KMT2C: variants seen among roughly 807,000 people sequenced by gnomAD.
The protein encoded by KMT2C is lysine methyltransferase 2C, also known as histone-lysine N-methyltransferase 2C.
In KMT2C, 88 loss-of-function variants were observed where a neutral mutation model predicts 507.9. The observed-to-expected ratio is 0.17, with a 90% confidence interval of 0.15 to 0.21. KMT2C has a LOEUF of 0.21. Ranked by LOEUF, KMT2C falls within the 10% of genes least tolerant of loss-of-function variation. The pLI is 1.00. For synonymous variants in KMT2C, 2,049 were observed against 2,080.8 expected (o/e 0.98, Z 0.42); for missense variants, 4,954 against 5,957.8 (o/e 0.83, Z 5.55).
rs79259576 is a variant in KMT2C, at chr7:152,179,672, G to C, written c.7442+162C>G. Among the ~76,000 whole-genome samples the C allele has an allele frequency of 9.5e-4, 119 of 125,890 alleles. 4 individuals are homozygous for C. The highest frequency in any genetic ancestry group is 3.9e-3 in the East Asian group (15 of 3,886). 82.6% of individuals were successfully genotyped at this position (125,890 alleles called of 152,430 possible). Reference sequence around the variant, plus strand: ...TGTTGAAGAGGTTGGGGGGGGGGGGGGGTGGTCTCACTATATTGCCCAGGC... The same window carrying C: ...TGTTGAAGAGGTTGGGGGGGGGGGGCGGTGGTCTCACTATATTGCCCAGGC... On this transcript the variant is annotated intron_variant, in intron 37 of 58. Transcript: ENST00000262189.
chr7:152,358,541 T>C (rs751777482), intron 2 of KMT2C, 46 bp downstream of exon 2: 2 of 1,195,164 alleles, frequency 1.7e-6, no homozygotes, highest in South Asian at 1.3e-5. Context: ...TACAAACATA[T>C]GCAAAGCATC....
intron 9 of KMT2C, among the ~76,000 whole-genome samples, 198 bp from the exon 10 acceptor site, chr7:152,252,913 C>T (rs1414890952): frequency 2.0e-5 from 3 of 151,454 alleles, no homozygotes; most frequent in Non-Finnish European, 2.9e-5. Flanking sequence ...AGTGCAGTGG[C>T]GCAATCTTGG....
chr7:152,271,694 A>AT (rs2095976349), intron 7 of KMT2C, among the ~76,000 whole-genome samples: 2 of 151,162 alleles, frequency 1.3e-5, no homozygotes, highest in East Asian at 3.9e-4. Context: ...AAAAAAAAAA[A>AT]ACCCCAAAGA....
At chr7:152,195,690 T>G (rs2093941120) in intron 28 of KMT2C, 2 of 312,424 alleles carry the variant, frequency 6.4e-6, no homozygotes, top group South Asian at 1.3e-4. Context: ...TTAAATGTGA[T>G]GCAATTAGAA....
intron 44 of KMT2C, among the ~76,000 whole-genome samples, chr7:152,157,580 C>T (rs962165105): frequency 2.0e-5 from 3 of 152,134 alleles, no homozygotes; most frequent in Non-Finnish European, 4.4e-5. Context: ...ATAAAAACAA[C>T]TTCAAATGTT....
chr7:152,384,551 C>G (rs866593416), intron 1 of KMT2C, among the ~76,000 whole-genome samples: 2 of 32,304 alleles, frequency 6.2e-5, no homozygotes, highest in Non-Finnish European at 9.5e-5. Flanking sequence ...GTGCATAACA[C>G]CACCACCACC....
intron 3 of KMT2C, among the ~76,000 whole-genome samples, chr7:152,318,152 GA>G (rs949392945): frequency 3.1e-4 from 47 of 150,906 alleles, no homozygotes; most frequent in African/African-American, 9.0e-4. Context: ...ACAAATAAAA[GA>G]AAGAAAAAAC....
chr7:152,215,686 TATACACACACACATACACACACAAA>T (rs2094560113), intron 23 of KMT2C, among the ~76,000 whole-genome samples: 2 of 134,176 alleles, frequency 1.5e-5, no homozygotes, highest in African/African-American at 7.0e-5. Flanking sequence ...AATATATATA[TATACACACACACATACACACACAAA>T]ATATATATAT....
At chr7:152,180,258 T>C in intron 36 of KMT2C, 132 bp from the exon 37 acceptor site, 1 of 897,246 alleles carries the variant, frequency 1.1e-6, no homozygotes, top group South Asian at 1.5e-5. Flanking sequence ...TGGACTCAAG[T>C]GATCCTCCTG....
chr7:152,161,562 G>GA (rs545262877), intron 43 of KMT2C, among the ~76,000 whole-genome samples: 29 of 149,114 alleles, frequency 1.9e-4, no homozygotes, highest in Admixed American at 3.3e-4. Context: ...TCATGTAAAT[G>GA]AAAAAAAAAG....
At chr7:152,423,931 C>T (rs1405112394) in intron 1 of KMT2C, among the ~76,000 whole-genome samples, 3 of 150,856 alleles carry the variant, frequency 2.0e-5, no homozygotes, top group South Asian at 2.1e-4. Flanking sequence ...TATGACCTAA[C>T]TATAGCCCAA....
intron 6 of KMT2C, among the ~76,000 whole-genome samples, chr7:152,309,160 T>C (rs1361295781): frequency 6.6e-6 from 1 of 152,130 alleles, no homozygotes; most frequent in Non-Finnish European, 1.5e-5. Context: ...TATCAAATAG[T>C]TTTGTCTTAA....
intron 23 of KMT2C, among the ~76,000 whole-genome samples, chr7:152,213,308 T>G (rs1020384363): frequency 2.0e-5 from 3 of 152,224 alleles, no homozygotes; most frequent in African/African-American, 7.2e-5. Flanking sequence ...CTACCTGATT[T>G]CAAGTTATAT....
intron 1 of KMT2C, among the ~76,000 whole-genome samples, chr7:152,379,170 A>T (rs2129247556): frequency 6.6e-6 from 1 of 152,278 alleles, no homozygotes; most frequent in Admixed American, 6.5e-5. Flanking sequence ...TATTTTTTTA[A>T]AAAGCAAATT....
At chr7:152,318,110 C>T (rs1419006534) in intron 3 of KMT2C, among the ~76,000 whole-genome samples, 1 of 151,998 alleles carries the variant, frequency 6.6e-6, no homozygotes, top group Non-Finnish European at 1.5e-5. Flanking sequence ...TGCACTCCAG[C>T]CTAGGCGACA....
intron 6 of KMT2C, among the ~76,000 whole-genome samples, chr7:152,293,132 AAAG>A (rs1328181390): frequency 6.6e-6 from 1 of 152,232 alleles, no homozygotes; most frequent in African/African-American, 2.4e-5. Flanking sequence ...TCAAATACAC[AAAG>A]AATAAAACAG....
At chr7:152,292,814 A>AC (rs2096449701) in intron 6 of KMT2C, among the ~76,000 whole-genome samples, 1 of 152,082 alleles carries the variant, frequency 6.6e-6, no homozygotes, top group African/African-American at 2.4e-5. Context: ...TCTCAGCTGG[A>AC]TTTTTTTGAA....
chr7:152,296,067 C>CAA (rs34144566), intron 6 of KMT2C, among the ~76,000 whole-genome samples: 3,205 of 43,410 alleles, frequency 0.074, 209 homozygotes, highest in South Asian at 0.11. Flanking sequence ...GACTCCGTCT[C>CAA]AAAAAAAAAA....
chr7:152,260,920 TTA>T (rs1407097363), intron 9 of KMT2C, among the ~76,000 whole-genome samples: 3 of 152,082 alleles, frequency 2.0e-5, no homozygotes, highest in Non-Finnish European at 1.5e-5. Flanking sequence ...GGGAGAAATT[TTA>T]TATCTTTAAC....
Sources: gnomAD v4.1 joint callset for allele counts (sites outside exome capture counted in the v4.1 genomes callset) on GRCh38, gnomAD v4.1.1 for gene constraint, MANE v1.5 for transcripts, NCBI Gene and HGNC (gene_info 2026-07-23, HGNC 2026-07-21) for gene names.